The following DOCK1 variants were observed in gnomAD, a reference collection of about 807,000 sequenced individuals.
DOCK1 encodes dedicator of cytokinesis 1.
A neutral mutation model predicts 262.7 loss-of-function variants in DOCK1; 138 were observed. That is an observed-to-expected ratio of 0.53 (90% CI 0.46 to 0.61). The LOEUF (loss-of-function observed/expected upper bound fraction) is 0.61, where lower values mean the gene tolerates loss of function less well. DOCK1 is among the 20% of genes least tolerant of loss of function. DOCK1 has a pLI of 0.00. For synonymous variants in DOCK1, 866 were observed against 867.4 expected, an observed-to-expected ratio of 1.00 and a Z score of 0.03; for missense variants, 1,908 against 2,370.7, an observed-to-expected ratio of 0.80 and a Z score of 4.05.
chr10:127,014,461 AT>A (rs1565065521), intron 12 of DOCK1, among the ~76,000 whole-genome samples: 1 of 152,202 alleles, frequency 6.6e-6, no homozygotes. Context: ...TAGTTTATGT[AT>A]TAAGATATTT....
chr10:127,382,383 A>G lies in DOCK1; in HGVS notation c.3807+1015A>G, dbSNP rs191533258. On this transcript the variant is annotated intron_variant, in intron 37 of 51. Coordinates refer to ENST00000623213, the MANE Select transcript of DOCK1 (RefSeq NM_001290223.2). ...CTGATAGTTTCTGTGACACAAATAT[A>G]CACAGGCTGCCCTAGAGACCTGCGA... 3.3e-5 allele frequency among the ~76,000 whole-genome samples: 5 copies of G among 152,306 alleles called. No individual in the cohort carries two copies. In the East Asian group the frequency reaches 9.6e-4, roughly 29 times the overall value.
chr10:126,996,055 T>A (rs1246330453), intron 6 of DOCK1, among the ~76,000 whole-genome samples: 1 of 152,166 alleles, frequency 6.6e-6, no homozygotes, highest in East Asian at 1.9e-4. Flanking sequence ...TGATTGCATA[T>A]ATATGTGAAT....
intron 1 of DOCK1, among the ~76,000 whole-genome samples, chr10:126,934,631 T>G (rs1038973271): frequency 4.6e-5 from 7 of 152,132 alleles, no homozygotes; most frequent in Admixed American, 1.3e-4. Context: ...TTTTGTTTTG[T>G]TTTTTTCCTG....
In DOCK1 at chr10:127,336,535, GT is replaced by G. The variant is rs545546680; in HGVS notation, c.3045-2453del. On this transcript the variant is annotated intron_variant, in intron 29 of 51. Transcript: ENST00000623213. ...ACATTATTTTAGCATGACATACATA[GT>G]TTTTTTTTTTTTTTTTTAATTTGAG... is the stretch of plus-strand genomic sequence containing the variant. Among the ~76,000 whole-genome samples the G allele has an allele frequency of 9.1e-3, 1,260 of 137,844 alleles. 5 individuals carry two copies. Among genetic ancestry groups the G allele is most frequent in the African/African-American group, 0.013 (503 of 37,682 alleles). The allele number at this position is 137,844 out of a possible 152,430, so 90.4% of individuals were successfully genotyped here.
At chr10:127,140,284 C>T (rs1012295450) in intron 27 of DOCK1, among the ~76,000 whole-genome samples, 1 of 152,154 alleles carries the variant, frequency 6.6e-6, no homozygotes, top group Non-Finnish European at 1.5e-5. Context: ...TTCTTGTTAA[C>T]AAAATGACTC....
intron 25 of DOCK1, among the ~76,000 whole-genome samples, chr10:127,122,102 G>A (rs2049624114): frequency 6.6e-6 from 1 of 152,182 alleles, no homozygotes; most frequent in Non-Finnish European, 1.5e-5. Flanking sequence ...GGGTCCAGTG[G>A]GGGCTGTGCT....
At chr10:127,196,517 G>A (rs1319599833) in intron 27 of DOCK1, among the ~76,000 whole-genome samples, 1 of 147,910 alleles carries the variant, frequency 6.8e-6, no homozygotes, top group Non-Finnish European at 1.5e-5. Context: ...GAGCCGGGCG[G>A]CCAGAGGCGA....
intron 33 of DOCK1, among the ~76,000 whole-genome samples, chr10:127,363,055 G>A (rs1273199789): frequency 1.7e-3 from 26 of 15,134 alleles, no homozygotes; most frequent in Non-Finnish European, 3.5e-3. Context: ...ACACACACAC[G>A]TACATCCCCA....
At chr10:127,403,176 C>G in intron 39 of DOCK1, 32 bp downstream of exon 39, 1 of 1,558,034 alleles carries the variant, frequency 6.4e-7, no homozygotes, top group East Asian at 2.4e-5. Flanking sequence ...TTTAAATGAA[C>G]ACAGGCAATC....
Position 127,385,435 on chromosome 10 carries a change from A to G in DOCK1, c.3927+526A>G, listed in dbSNP as rs181798958. ...TAAGGTATGCAGTAACTATTTAAAA[A>G]AAAAAGCTGTTTCAGTTTCAGAAGT... is the stretch of plus-strand genomic sequence containing the variant. On this transcript the variant is annotated intron_variant, in intron 38 of 51. Transcript: ENST00000623213. 2.1e-3 allele frequency among the ~76,000 whole-genome samples: 284 copies of G among 137,546 alleles called. 1 individual carries two copies. Among genetic ancestry groups the G allele is most frequent in the African/African-American group, 7.6e-3 (272 of 35,586 alleles). 90.2% of individuals were successfully genotyped at this position (137,546 alleles called of 152,430 possible).
At chr10:126,938,803 CGGAGGGGATGAACACA>C (rs1429918866) in intron 1 of DOCK1, among the ~76,000 whole-genome samples, 19 of 48,530 alleles carry the variant, frequency 3.9e-4, no homozygotes, top group Admixed American at 8.5e-4. Flanking sequence ...GGATGAGCAC[CGGAGGGGATGAACACA>C]GGAGGGGACG....
At chr10:127,038,240 AC>A (rs1413927034) in intron 19 of DOCK1, among the ~76,000 whole-genome samples, 2 of 152,112 alleles carry the variant, frequency 1.3e-5, no homozygotes, top group Non-Finnish European at 2.9e-5. Flanking sequence ...TCTCAAAAAA[AC>A]AAAACAAAAA....
At chr10:126,917,501 C>T (rs1484667514) in intron 1 of DOCK1, among the ~76,000 whole-genome samples, 1 of 152,146 alleles carries the variant, frequency 6.6e-6, no homozygotes, top group Non-Finnish European at 1.5e-5. Context: ...TTCCCAGATC[C>T]ACTCCTGTCC....
intron 21 of DOCK1, among the ~76,000 whole-genome samples, chr10:127,044,139 A>G (rs1243583334): frequency 1.3e-5 from 2 of 152,306 alleles, no homozygotes; most frequent in East Asian, 1.9e-4. Flanking sequence ...GATTCTTTTT[A>G]GTGTGAGTAA....
At chr10:126,950,148 A>T (rs1276175312) in intron 1 of DOCK1, among the ~76,000 whole-genome samples, 1 of 152,074 alleles carries the variant, frequency 6.6e-6, no homozygotes, top group Non-Finnish European at 1.5e-5. Context: ...TAGGTAGTCC[A>T]CGAGAAGCAG....
intron 27 of DOCK1, among the ~76,000 whole-genome samples, chr10:127,231,864 C>A (rs61874058): frequency 0.11 from 17,295 of 152,138 alleles, 1,132 homozygotes; most frequent in Non-Finnish European, 0.15. Context: ...AAATAAACTC[C>A]ATTTTTTCAG....
chr10:127,385,632 G>T (rs994001823), intron 38 of DOCK1, among the ~76,000 whole-genome samples: 1 of 152,146 alleles, frequency 6.6e-6, no homozygotes, highest in Non-Finnish European at 1.5e-5. Context: ...GCACAAACTG[G>T]GTGGCTTTCA....
Position 127,446,434 on chromosome 10 carries a change from C to T in DOCK1, c.5414-960C>T, listed in dbSNP as rs59267515. Reference sequence around the variant, plus strand: ...TGTGATTAATGCCACCAAATTGTCCCCTAAAGGATGGCTAAAATGGCAAAT... The same window carrying T: ...TGTGATTAATGCCACCAAATTGTCCTCTAAAGGATGGCTAAAATGGCAAAT... On this transcript the variant is annotated intron_variant, in intron 50 of 51. Coordinates refer to ENST00000623213, the MANE Select transcript of DOCK1 (RefSeq NM_001290223.2). The surrounding 1 kb of genome is among the most constrained non-coding windows in gnomAD (Gnocchi z 4.4). Among the ~76,000 whole-genome samples, 117 of 152,060 alleles carry T rather than the reference C, an allele frequency of 7.7e-4. No individual in the cohort carries two copies. The highest frequency in any genetic ancestry group is 2.7e-3 in the African/African-American group (112 of 41,476).
intron 1 of DOCK1, among the ~76,000 whole-genome samples, chr10:126,958,508 A>G (rs1160181088): frequency 6.6e-6 from 1 of 152,184 alleles, no homozygotes; most frequent in African/African-American, 2.4e-5. Flanking sequence ...ACATCTGTAC[A>G]GAAGGTGATC....
Sources: allele counts gnomAD v4.1 joint callset (sites outside exome capture counted in the v4.1 genomes callset), GRCh38; gene constraint gnomAD v4.1.1; non-coding constraint Gnocchi (gnomAD v3.1); transcripts MANE v1.5; gene names NCBI Gene and HGNC (gene_info 2026-07-23, HGNC 2026-07-21).